Variants in PURG observed in about 807,000 individuals in gnomAD.
PURG encodes the protein purine rich element binding protein G.
Under a neutral mutation model 24.3 loss-of-function variants are expected in PURG, and 3 were observed. The observed-to-expected ratio is 0.12, with a 90% CI of 0.06 to 0.32. PURG has a LOEUF of 0.32. PURG is among the 10% of genes least tolerant of loss of function. The probability of loss-of-function intolerance (pLI) is 1.00; values close to 1 mark genes in which losing one functional copy is unlikely to be tolerated. For synonymous variants in PURG, 180 were observed against 173.1 expected (o/e 1.04, Z -0.31); for missense variants, 371 against 439.1 (o/e 0.84, Z 1.39).
intron 1 of PURG, among the ~76,000 whole-genome samples, chr8:31,008,115 TGC>T (rs1810690681): frequency 6.6e-6 from 1 of 152,216 alleles, no homozygotes; most frequent in Non-Finnish European, 1.5e-5. Context: ...CCCTTGCAGC[TGC>T]TACACCTAAA....
chr8:31,024,998 TAAAC>T (rs1811065027), intron 1 of PURG, among the ~76,000 whole-genome samples: 1 of 152,038 alleles, frequency 6.6e-6, no homozygotes, highest in Non-Finnish European at 1.5e-5. Flanking sequence ...CAGAAATAAG[TAAAC>T]AATATTAAAC....
At chr8:31,018,997 G>A (rs1226233294) in intron 1 of PURG, among the ~76,000 whole-genome samples, 2 of 148,474 alleles carry the variant, frequency 1.3e-5, no homozygotes, top group African/African-American at 2.5e-5. Flanking sequence ...TGTGGCGGGC[G>A]CCTGTAGTCC....
Position 31,032,010 on chromosome 8 carries a change from G to C in PURG, c.773C>G (p.Pro258Arg). 1 of 1,614,134 alleles carries C rather than the reference G, an allele frequency of 6.2e-7. No homozygotes were observed. Among genetic ancestry groups the C allele is most frequent in the Non-Finnish European group, 8.5e-7 (1 of 1,180,032 alleles). The part of the protein sequence containing the change: ...IEERRGGDDD[P>R]LELPEGTSFR... ...AGAAGTCCCCTCTGGGAGTTCAAGC[G>C]GGTCATCGTCTCCACCTCTTCGTTC... The change falls in exon 2 of 2, where the codon CCG (proline) becomes CGG (arginine). Residue 258 changes from proline to arginine, a missense_variant. By Grantham distance (103) the Pro-to-Arg change is moderately radical. Around this residue, in one of 5 missense-constraint regions of PURG, gnomAD observed 103 missense variants for 127.7 expected, o/e 0.81. Transcript: ENST00000523392. This position sits in a 1 kb window ranked among gnomAD's most constrained non-coding sequence, Gnocchi z 5.9.
At chr8:30,996,845 A>T in intron 1 of PURG, 1 of 641,254 alleles carries the variant, frequency 1.6e-6, no homozygotes, top group Non-Finnish European at 2.6e-6. Flanking sequence ...AGTTGTGTCT[A>T]GGCCAATTTT....
intron 1 of PURG, among the ~76,000 whole-genome samples, chr8:30,999,231 T>C (rs1273431669): frequency 2.0e-5 from 3 of 151,854 alleles, no homozygotes; most frequent in Non-Finnish European, 3.0e-5. Context: ...TATGACTATA[T>C]GGACATCAAC....
downstream of PURG, among the ~76,000 whole-genome samples, chr8:31,029,715 TATTATTAATA>T (rs1811155162): frequency 6.6e-6 from 1 of 151,922 alleles, no homozygotes; most frequent in Non-Finnish European, 1.5e-5. Flanking sequence ...ACAGGTTGAT[TATTATTAATA>T]GGCACTATGA....
chr8:31,015,263 C>T (rs542836545), intron 1 of PURG, among the ~76,000 whole-genome samples: 4 of 152,150 alleles, frequency 2.6e-5, no homozygotes, highest in East Asian at 3.9e-4. Context: ...ATATACTTAA[C>T]GCTACTGAAC....
chr8:31,027,722 C>G (rs1227331608), downstream of PURG, among the ~76,000 whole-genome samples: 1 of 151,666 alleles, frequency 6.6e-6, no homozygotes, highest in African/African-American at 2.4e-5. Flanking sequence ...ATAGCACACT[C>G]TTGATGAATT....
At chr8:31,004,410 C>T (rs543696240) in intron 1 of PURG, among the ~76,000 whole-genome samples, 1 of 152,226 alleles carries the variant, frequency 6.6e-6, no homozygotes, top group Admixed American at 6.5e-5. Flanking sequence ...AGAAAAATAT[C>T]CTTGGCTGGG....
downstream of PURG, among the ~76,000 whole-genome samples, chr8:31,028,352 A>T (rs1225207735): frequency 6.6e-6 from 1 of 151,762 alleles, no homozygotes; most frequent in African/African-American, 2.4e-5. Flanking sequence ...CATGCACGGG[A>T]TCACCTTATA....
At chr8:31,021,865 ATAGTTAT>A (rs1308116507) in intron 1 of PURG, among the ~76,000 whole-genome samples, 29 of 152,298 alleles carry the variant, frequency 1.9e-4, no homozygotes, top group African/African-American at 7.0e-4. Context: ...TCCATAAGCA[ATAGTTAT>A]TACTACTAAT....
chr8:31,002,763 C>T lies in PURG; in HGVS notation c.865-6066G>A, dbSNP rs183717641. Among the ~76,000 whole-genome samples, 11 of 152,262 alleles carry T rather than the reference C, an allele frequency of 7.2e-5. No individual in the cohort carries two copies. In the East Asian group the frequency reaches 1.7e-3, roughly 24 times the overall value. On this transcript the variant is annotated intron_variant, in intron 1 of 1. Transcript: ENST00000339382. ...CCTCCCAAAGTGCTAGGATTACAGG[C>T]GTGAGCCACCGTGCCCGGCCGAGAT...
At chr8:31,029,178 C>G (rs984905583), downstream of PURG, among the ~76,000 whole-genome samples, 8 of 151,546 alleles carry the variant, frequency 5.3e-5, no homozygotes, top group African/African-American at 1.9e-4. Flanking sequence ...TTTTAAGTAT[C>G]AAAAAGTCAT....
chr8:31,013,086 G>C (rs902392261), intron 1 of PURG, among the ~76,000 whole-genome samples: 1 of 152,044 alleles, frequency 6.6e-6, no homozygotes, highest in Non-Finnish European at 1.5e-5. Context: ...ATAAAATGTA[G>C]ATTTTATTTA....
chr8:31,029,401 A>G (rs1002509375), downstream of PURG, among the ~76,000 whole-genome samples: 1 of 151,798 alleles, frequency 6.6e-6, no homozygotes, highest in Non-Finnish European at 1.5e-5. Context: ...ATGGAAAACT[A>G]AATTTAATAA....
At position 31,007,434 on chromosome 8, in the gene PURG, T is replaced by C. The variant is rs970594687; in HGVS notation, c.865-10737A>G. Reference sequence around the variant, plus strand: ...CAAATGACCCGCTAACATACTCTTATAATAATGTTTTCAACTTGAAAATAA... The same window carrying C: ...CAAATGACCCGCTAACATACTCTTACAATAATGTTTTCAACTTGAAAATAA... On this transcript the variant is annotated intron_variant, in intron 1 of 1. Transcript: ENST00000339382. Among the ~76,000 whole-genome samples, 5 of 152,286 alleles carry C rather than the reference T, an allele frequency of 3.3e-5. No homozygotes were observed. In the East Asian group the frequency reaches 9.6e-4, roughly 29 times the overall value.
intron 1 of PURG, among the ~76,000 whole-genome samples, chr8:31,006,204 A>C (rs986761041): frequency 2.6e-5 from 4 of 152,182 alleles, no homozygotes; most frequent in African/African-American, 9.6e-5. Flanking sequence ...TTCTAAAAAT[A>C]AGTAAGTGAG....
intron 1 of PURG, among the ~76,000 whole-genome samples, chr8:31,024,800 CA>C (rs1219278779): frequency 6.6e-6 from 1 of 151,356 alleles, no homozygotes; most frequent in African/African-American, 2.4e-5. Flanking sequence ...TTGATAAAGA[CA>C]AAAAAAACAA....
rs1811272415 is a variant in PURG, at chr8:31,032,853, C to T, written c.-6-65G>A. ...GGGGTGTTGAGAACAATCGCAGACG[C>T]CCCTCGGCCTGACCGCCCCGCCGCC... On this transcript the variant is annotated intron_variant, in intron 1 of 1. Transcript: ENST00000523392. The surrounding 1 kb of genome is among the most constrained non-coding windows in gnomAD (Gnocchi z 5.9). 8.4e-7 allele frequency: 1 copy of T among 1,185,278 alleles called. No individual in the cohort carries two copies. Among genetic ancestry groups the T allele is most frequent in the Non-Finnish European group, 1.1e-6 (1 of 945,360 alleles). The allele number at this position is 1,185,278 out of a possible 1,614,324, so 73.4% of individuals were successfully genotyped here.
Sources: gnomAD v4.1 joint callset for allele counts (sites outside exome capture counted in the v4.1 genomes callset) on GRCh38, gnomAD v4.1.1 for gene constraint, gnomAD v4.1.1 regional missense constraint, Gnocchi (gnomAD v3.1) non-coding constraint, MANE v1.5 for transcripts, NCBI Gene and HGNC (gene_info 2026-07-23, HGNC 2026-07-21) for gene names.